Variants in ZNF254 observed in about 807,000 individuals in gnomAD.
ZNF254 encodes zinc finger protein 254.
A neutral mutation model predicts 12.4 loss-of-function variants in ZNF254; 10 were observed. The observed-to-expected ratio is 0.80, with a 90% CI of 0.50 to 1.36. ZNF254 has a LOEUF of 1.36. Among genes scored for constraint, ZNF254 ranks in the 40% most tolerant of loss-of-function variants. ZNF254 has a pLI of 0.00. For synonymous variants in ZNF254, 305 were observed against 253.4 expected, an observed-to-expected ratio of 1.20 and a Z score of -1.93; for missense variants, 996 against 763.9, an observed-to-expected ratio of 1.30 and a Z score of -3.58.
rs1246127598 is a variant in ZNF254 at position 24,128,610 on chromosome 19, T to G, written c.*630T>G. ...CAAGTATAATGAATTTGGAAAAACA[T>G]TTTTTCAAAAACTACAAATTATAAA... is the stretch of plus-strand genomic sequence containing the variant. On this transcript the variant is annotated 3_prime_UTR_variant, in exon 4 of 4. Transcript: ENST00000357002. 1 of 152,078 alleles carries G rather than the reference T, an allele frequency of 6.6e-6. No individual in the cohort carries two copies. Among genetic ancestry groups the G allele is most frequent in the East Asian group, 1.9e-4 (1 of 5,196 alleles). The allele number at this position is 152,078 out of a possible 1,614,324, so 9.4% of individuals were successfully genotyped here.
chr19:24,102,907 A>G (rs987571845), intron 1 of ZNF254, among the ~76,000 whole-genome samples: 2 of 152,168 alleles, frequency 1.3e-5, no homozygotes, highest in Non-Finnish European at 2.9e-5. Flanking sequence ...CTCAATGATA[A>G]ACAGAAGAGG....
intron 3 of ZNF254, among the ~76,000 whole-genome samples, chr19:24,109,177 CAT>C (rs1187990867): frequency 6.6e-6 from 1 of 152,086 alleles, no homozygotes; most frequent in Non-Finnish European, 1.5e-5. Context: ...GTATTTAAAA[CAT>C]AAAAATTGAG....
At chr19:24,108,245 G>A (rs1973456702) in intron 3 of ZNF254, among the ~76,000 whole-genome samples, 2 of 152,184 alleles carry the variant, frequency 1.3e-5, no homozygotes, top group East Asian at 1.9e-4. Flanking sequence ...CTAAATGGGT[G>A]TATTTCTCCA....
At chr19:24,049,208 ATATATATTTT>A (rs1427213362) in intron 2 of ZNF254, among the ~76,000 whole-genome samples, 4 of 47,570 alleles carry the variant, frequency 8.4e-5, no homozygotes, top group South Asian at 6.2e-4. Context: ...ATATATATAT[ATATATATTTT>A]TTTTTTTTTT....
At chr19:24,100,617 A>G (rs1433994348) in intron 1 of ZNF254, among the ~76,000 whole-genome samples, 1 of 152,036 alleles carries the variant, frequency 6.6e-6, no homozygotes, top group Non-Finnish European at 1.5e-5. Context: ...TGTACAGTCA[A>G]TCAATAATTA....
At position 24,042,475 on chromosome 19, in the gene ZNF254, C is replaced by T. The variant is rs752197745; in HGVS notation, c.-189-3709C>T. ...TGCTACTGCTCACTCTTTGGGTGCA[C>T]GCTGCTTTTAAGAGCTGTAACACTC... On this transcript the variant is annotated intron_variant, in intron 1 of 4. Coordinates refer to the ZNF254 transcript ENST00000613065. Among the ~76,000 whole-genome samples, 3 of 152,144 alleles carry T rather than the reference C, an allele frequency of 2.0e-5. No individual in the cohort carries two copies. In the East Asian group the frequency reaches 5.8e-4, roughly 29 times the overall value.
chr19:24,126,261 T>C lies in ZNF254; in HGVS notation c.261T>C (p.Cys87=). Reference sequence around the variant, plus strand: ...TTTTTATTTTTTTTTCAGGTATGTGTCCTCATTTTGCTCAAGACCTTTGGC... The same window carrying C: ...TTTTTATTTTTTTTTCAGGTATGTGCCCTCATTTTGCTCAAGACCTTTGGC... ...HEMVDEPPGM[C]PHFAQDLWPE... The change falls in exon 4 of 4, where the codon TGT becomes TGC. Residue 87 remains cysteine, a synonymous_variant. Transcript: ENST00000357002. 1 of 1,481,588 alleles carries C rather than the reference T, an allele frequency of 6.7e-7. No homozygotes were observed. The highest frequency in any genetic ancestry group is 1.6e-5 in the South Asian group (1 of 63,802). 91.8% of individuals were successfully genotyped at this position (1,481,588 alleles called of 1,614,324 possible). A position where few individuals can be genotyped will look rare whatever the true frequency, so the allele number is the denominator to read the frequency against.
intron 1 of ZNF254, among the ~76,000 whole-genome samples, chr19:24,041,620 G>C (rs1970166053): frequency 6.6e-6 from 1 of 152,226 alleles, no homozygotes; most frequent in Admixed American, 6.5e-5. Context: ...CTCCTGTGCG[G>C]CCCGAGCCTC....
chr19:24,100,966 T>TA, intron 1 of ZNF254, among the ~76,000 whole-genome samples: 1 of 152,192 alleles, frequency 6.6e-6, no homozygotes, highest in East Asian at 1.9e-4. Flanking sequence ...TAGCTGGGAT[T>TA]ACAGGCATGG....
Position 24,055,634 on chromosome 19 carries a change from A to G in ZNF254, c.-94+9355A>G, listed in dbSNP as rs1200699708. On this transcript the variant is annotated intron_variant, in intron 2 of 4. Transcript: ENST00000613065. ...AAAAAGTATACATCATCATATTCTC[A>G]CATAAACACAGCCCACTTTTGAAGT... 2.0e-5 allele frequency among the ~76,000 whole-genome samples: 3 copies of G among 152,144 alleles called. No homozygotes were observed. The South Asian group carries it at 6.2e-4, about 32-fold the overall frequency.
intron 1 of ZNF254, chr19:24,091,983 C>A: frequency 4.5e-6 from 1 of 220,352 alleles, no homozygotes; most frequent in Non-Finnish European, 7.6e-6. Context: ...GGGTTCACGC[C>A]GTTCTCAGCC....
intron 3 of ZNF254, among the ~76,000 whole-genome samples, chr19:24,110,847 G>C (rs1973627756): frequency 6.6e-6 from 1 of 151,450 alleles, no homozygotes; most frequent in African/African-American, 2.4e-5. Flanking sequence ...CTTTAAAAGT[G>C]ACAAGATTTT....
intron 3 of ZNF254, among the ~76,000 whole-genome samples, chr19:24,112,677 G>T: frequency 6.6e-6 from 1 of 152,044 alleles, no homozygotes; most frequent in Non-Finnish European, 1.5e-5. Flanking sequence ...TCCCTTGTAA[G>T]TTGGATTCCT....
At chr19:24,064,979 A>C (rs1350994066) in intron 2 of ZNF254, among the ~76,000 whole-genome samples, 1 of 152,118 alleles carries the variant, frequency 6.6e-6, no homozygotes, top group Non-Finnish European at 1.5e-5. Flanking sequence ...GCCAAAAGAA[A>C]AATTTGTGGC....
chr19:24,098,481 G>A (rs1972801263), intron 1 of ZNF254: 2 of 152,156 alleles, frequency 1.3e-5, no homozygotes. Flanking sequence ...TGCCTTCAAT[G>A]GCTAGATGAG....
rs1974997762 is a variant in ZNF254, at chr19:24,127,763, C to T, written c.1763C>T (p.Thr588Ile). The change falls in exon 4 of 4, where the codon ACT becomes ATT. Residue 588 changes from threonine (T) to isoleucine (I), a missense_variant. By Grantham distance (89) the Thr-to-Ile change is moderately conservative. Transcript: ENST00000357002. Reference protein sequence around the residue: ...ECGKSFNRSSTFTKHKVIHTG... With the variant: ...ECGKSFNRSSIFTKHKVIHTG... ...GGCAAATCTTTTAACCGGTCTTCAA[C>T]TTTTACTAAACATAAGGTAATTCAT... 1 of 1,612,016 alleles carries T rather than the reference C, an allele frequency of 6.2e-7. No individual in the cohort carries two copies. Among genetic ancestry groups the T allele is most frequent in the Non-Finnish European group, 8.5e-7 (1 of 1,179,336 alleles).
Position 24,127,841 on chromosome 19 carries a change from C to A in ZNF254, c.1841C>A (p.Ser614Tyr). Residue 614 changes from serine to tyrosine, a missense_variant, in exon 4 of 4, where the codon TCC becomes TAC. Ser to Tyr is a moderately radical substitution (Grantham distance 144). Coordinates refer to ENST00000357002, the MANE Select transcript of ZNF254 (RefSeq NM_203282.4). ...GAATGTGGCAAAGCATTTTTCTGGTCCTCAACCCTAACTAAACATAAGAGA... is the reference window on the plus strand; with the variant it reads ...GAATGTGGCAAAGCATTTTTCTGGTACTCAACCCTAACTAAACATAAGAGA... Reference protein sequence around the residue: ...CEECGKAFFWSSTLTKHKRIH... With the variant: ...CEECGKAFFWYSTLTKHKRIH... The A allele has an allele frequency of 1.2e-6, 2 of 1,613,234 alleles. No individual in the cohort carries two copies. Among genetic ancestry groups the A allele is most frequent in the Non-Finnish European group, 1.7e-6 (2 of 1,179,700 alleles).
intron 3 of ZNF254, chr19:24,107,074 C>T (rs1973391558): frequency 2.2e-6 from 1 of 445,608 alleles, no homozygotes; most frequent in Non-Finnish European, 3.9e-6. Context: ...GTTTATTTTT[C>T]TGCACATTTC....
rs1975061502 is a variant in ZNF254, at chr19:24,128,783, C to T, written c.*803C>T. 1 of 152,006 alleles carries T rather than the reference C, an allele frequency of 6.6e-6. No individual in the cohort carries two copies. The highest frequency in any genetic ancestry group is 1.5e-5 in the Non-Finnish European group (1 of 67,934). The allele number at this position is 152,006 out of a possible 1,614,324, so 9.4% of individuals were successfully genotyped here. ...TCAAGCTTTAGACATTACACTAAATCAGAGTGCTGAGTATAGAAAATAATA... is the reference window on the plus strand; with the variant it reads ...TCAAGCTTTAGACATTACACTAAATTAGAGTGCTGAGTATAGAAAATAATA... On this transcript the variant is annotated 3_prime_UTR_variant, in exon 4 of 4. Coordinates refer to ENST00000357002, the MANE Select transcript of ZNF254 (RefSeq NM_203282.4).
Sources: allele counts gnomAD v4.1 joint callset (sites outside exome capture counted in the v4.1 genomes callset), GRCh38; gene constraint gnomAD v4.1.1; transcripts MANE v1.5; gene names NCBI Gene and HGNC (gene_info 2026-07-23, HGNC 2026-07-21).